The following BNC2 variants were observed in gnomAD, a reference collection of about 807,000 sequenced individuals.
BNC2 encodes the protein basonuclin zinc finger protein 2.
In BNC2, 20 loss-of-function variants were observed where a neutral mutation model predicts 76.3. The ratio of observed to expected loss-of-function variants is 0.26; its 90% CI spans 0.18 to 0.38. The LOEUF is 0.38. BNC2 is among the 10% of genes least tolerant of loss of function. BNC2 has a pLI of 1.00. For missense variants in BNC2, 1,382 were observed against 1,399.8 expected (o/e 0.99, Z 0.20); for synonymous variants, 582 against 514.8 (o/e 1.13, Z -1.77).
intron 5 of BNC2, among the ~76,000 whole-genome samples, chr9:16,506,419 C>G (rs556417244): frequency 1.3e-5 from 2 of 149,296 alleles, no homozygotes; most frequent in South Asian, 2.1e-4. Flanking sequence ...CTAAATAGGT[C>G]TCATGATTTT....
intron 5 of BNC2, among the ~76,000 whole-genome samples, chr9:16,483,284 TG>T (rs1822097444): frequency 6.6e-6 from 1 of 152,252 alleles, no homozygotes; most frequent in African/African-American, 2.4e-5. Flanking sequence ...TACAAGCAAC[TG>T]ACCATATTTC....
At chr9:16,729,788 T>C (rs1824454400) in intron 2 of BNC2, among the ~76,000 whole-genome samples, 1 of 152,172 alleles carries the variant, frequency 6.6e-6, no homozygotes, top group African/African-American at 2.4e-5. Context: ...TAAAATTTGC[T>C]AGCCTCTTGA....
chr9:16,793,714 T>G (rs2812002), intron 1 of BNC2, among the ~76,000 whole-genome samples: 129,519 of 141,454 alleles, frequency 0.92, 59,395 homozygotes, highest in East Asian at 0.99. Flanking sequence ...CCCCCAGGCT[T>G]GAGTGCAGTG....
intron 5 of BNC2, among the ~76,000 whole-genome samples, chr9:16,529,307 A>G (rs1044314246): frequency 3.9e-5 from 6 of 152,186 alleles, no homozygotes; most frequent in Non-Finnish European, 8.8e-5. Context: ...TATATTTTTT[A>G]AACAGTAGGA....
chr9:16,571,483 C>T (rs1587185678), intron 4 of BNC2, among the ~76,000 whole-genome samples: 1 of 152,078 alleles, frequency 6.6e-6, no homozygotes, highest in East Asian at 1.9e-4. Context: ...GTTTATGTAG[C>T]CGAAAGCAGA....
chr9:16,778,959 G>T (rs1586876571), intron 1 of BNC2, among the ~76,000 whole-genome samples: 1 of 151,802 alleles, frequency 6.6e-6, no homozygotes, highest in African/African-American at 2.4e-5. Context: ...CTTCTTTTGG[G>T]GATGGCAGTG....
chr9:16,425,328 G>A (rs1820783821), intron 6 of BNC2, among the ~76,000 whole-genome samples: 2 of 151,358 alleles, frequency 1.3e-5, no homozygotes, highest in Admixed American at 6.6e-5. Flanking sequence ...TATTGGGGTC[G>A]ACCATTTATC....
chr9:16,425,885 C>T (rs766509016), intron 6 of BNC2, among the ~76,000 whole-genome samples: 3 of 152,214 alleles, frequency 2.0e-5, no homozygotes, highest in Non-Finnish European at 2.9e-5. Context: ...TAGCTGGATG[C>T]ACAGGTTAAG....
intron 1 of BNC2, among the ~76,000 whole-genome samples, chr9:16,857,029 A>T (rs879507911): frequency 1.3e-5 from 2 of 152,246 alleles, no homozygotes; most frequent in Non-Finnish European, 2.9e-5. Flanking sequence ...CATATAAAAC[A>T]TACATCTAAA....
chr9:16,436,861 C>G lies in BNC2; in HGVS notation c.1333G>C (p.Ala445Pro). Residue 445 changes from alanine (A) to proline (P), a missense_variant, in exon 6 of 7, where the codon GCA becomes CCA. Physicochemically the swap from Ala to Pro is conservative, Grantham distance 27. This residue lies in a region of BNC2 where 27 missense variants were observed against 83.4 expected (regional missense o/e 0.32). Transcript: ENST00000380672. Reference protein sequence around the residue: ...ASRKGRVFCNACGKTFYDKGT... With the variant: ...ASRKGRVFCNPCGKTFYDKGT... ...TTGTCATAGAATGTCTTCCCACATG[C>G]ATTACAGAACACTCTTCCTTTCCTA... The G allele has an allele frequency of 1.2e-6, 2 of 1,614,130 alleles. No homozygotes were observed. The highest frequency in any genetic ancestry group is 1.7e-6 in the Non-Finnish European group (2 of 1,180,020).
intron 1 of BNC2, among the ~76,000 whole-genome samples, chr9:16,831,392 T>C (rs948252460): frequency 6.6e-6 from 1 of 152,254 alleles, no homozygotes; most frequent in Non-Finnish European, 1.5e-5. Context: ...AGTTCACGTA[T>C]ATTCAAAGAA....
At chr9:16,429,729 A>C (rs1377098119) in intron 6 of BNC2, 1 of 310,980 alleles carries the variant, frequency 3.2e-6, no homozygotes, top group Non-Finnish European at 6.5e-6. Context: ...AGAAATTTGT[A>C]AAAATCTCTT....
At position 16,412,184 on chromosome 9, in the gene BNC2, T is replaced by C. The variant is rs1369659341; in HGVS notation, c.*6805A>G. ...CATAGGGTGGTCCTTGTTTTAACGA[T>C]TAAAGTCAAAAGCCTGACGCCATCT... On this transcript the variant is annotated 3_prime_UTR_variant, in exon 7 of 7. Coordinates refer to ENST00000380672, the MANE Select transcript of BNC2 (RefSeq NM_017637.6). 1 of 152,648 alleles carries C rather than the reference T, an allele frequency of 6.6e-6. No homozygotes were observed. Among genetic ancestry groups the C allele is most frequent in the Non-Finnish European group, 1.5e-5 (1 of 68,048 alleles). 9.5% of individuals were successfully genotyped at this position (152,648 alleles called of 1,614,324 possible).
intron 1 of BNC2, among the ~76,000 whole-genome samples, chr9:16,836,171 T>G (rs1402745528): frequency 6.6e-6 from 1 of 152,190 alleles, no homozygotes; most frequent in Admixed American, 6.5e-5. Context: ...AGATTAGGAT[T>G]TGGGAAGACC....
At chr9:16,815,141 G>T (rs1410956594) in intron 1 of BNC2, among the ~76,000 whole-genome samples, 1 of 152,128 alleles carries the variant, frequency 6.6e-6, no homozygotes, top group Non-Finnish European at 1.5e-5. Flanking sequence ...TAATTAAGAA[G>T]TGTAGAATAA....
Position 16,436,775 on chromosome 9 carries a change from A to G in BNC2, c.1419T>C (p.Ile473=). Residue 473 remains isoleucine, a synonymous_variant, in exon 6 of 7, where the codon ATT becomes ATC. Transcript: ENST00000380672. The part of the protein sequence containing the change: ...VHLKIKHRCT[I]EGCNMVFSSL... ...AGCTAAAGACCATGTTGCAACCTTC[A>G]ATGGTGCATCGATGTTTGATCTTCA... 6.2e-7 allele frequency: 1 copy of G among 1,614,164 alleles called. No homozygotes were observed. Among genetic ancestry groups the G allele is most frequent in the Non-Finnish European group, 8.5e-7 (1 of 1,180,036 alleles).
At chr9:16,857,042 C>G (rs1257703063) in intron 1 of BNC2, among the ~76,000 whole-genome samples, 2 of 152,080 alleles carry the variant, frequency 1.3e-5, no homozygotes, top group African/African-American at 4.8e-5. Context: ...CATCTAAACA[C>G]ATGTCAAAAT....
rs34704088 is a variant in BNC2 at position 16,853,406 on chromosome 9, CAA to C, written c.3+17238_3+17239del. On this transcript the variant is annotated intron_variant, in intron 1 of 6. Transcript: ENST00000380672. ...GAGTGATGAGAGTGAGACCTTGTCT[CAA>C]AAAAAAAAAAAAAAAGCATAATGAC... Among the ~76,000 whole-genome samples the C allele has an allele frequency of 1.5e-3, 126 of 86,854 alleles. 1 individual carries two copies. Among genetic ancestry groups the C allele is most frequent in the Admixed American group, 2.6e-3 (24 of 9,086 alleles). The allele number at this position is 86,854 out of a possible 152,430, so 57.0% of individuals were successfully genotyped here. A position where few individuals can be genotyped will look rare whatever the true frequency, so the allele number is the denominator to read the frequency against.
At chr9:16,766,083 G>A (rs188570802) in intron 1 of BNC2, among the ~76,000 whole-genome samples, 40 of 152,258 alleles carry the variant, frequency 2.6e-4, no homozygotes, top group African/African-American at 7.9e-4. Context: ...CACCGCGCCC[G>A]GCACTCATAA....
Sources: allele counts gnomAD v4.1 joint callset (sites outside exome capture counted in the v4.1 genomes callset), GRCh38; gene constraint gnomAD v4.1.1; regional missense constraint gnomAD v4.1.1; transcripts MANE v1.5; gene names NCBI Gene and HGNC (gene_info 2026-07-23, HGNC 2026-07-21).